CADM2: variants seen among roughly 807,000 people sequenced by gnomAD.
CADM2 encodes the protein cell adhesion molecule 2, also known as immunoglobulin superfamily member 4D.
CADM2 carries 12 observed loss-of-function variants against 49.8 expected under a neutral mutation model. The observed-to-expected ratio is 0.24, with a 90% CI of 0.15 to 0.39. The LOEUF (loss-of-function observed/expected upper bound fraction) is 0.39. CADM2 is among the 10% of genes least tolerant of loss of function. The probability of loss-of-function intolerance (pLI) is 1.00; values close to 1 mark genes in which losing one functional copy is unlikely to be tolerated. For synonymous variants in CADM2, 214 were observed against 175.4 expected (o/e 1.22, Z -1.74); for missense variants, 378 against 492.3 (o/e 0.77, Z 2.20).
chr3:85,304,628 C>T (rs569622410), intron 1 of CADM2, among the ~76,000 whole-genome samples: 12 of 151,876 alleles, frequency 7.9e-5, no homozygotes, highest in African/African-American at 2.4e-4. Flanking sequence ...GTTGTAATAA[C>T]TCACCTTTCT....
At chr3:85,177,692 C>T (rs952543267) in intron 1 of CADM2, among the ~76,000 whole-genome samples, 4 of 151,770 alleles carry the variant, frequency 2.6e-5, no homozygotes, top group Non-Finnish European at 5.9e-5. Flanking sequence ...TAATATGCTA[C>T]TTACAGTAAA....
intron 1 of CADM2, among the ~76,000 whole-genome samples, chr3:85,467,876 T>C (rs1000160571): frequency 6.6e-6 from 1 of 152,150 alleles, no homozygotes; most frequent in African/African-American, 2.4e-5. Context: ...CTGTTTCTGT[T>C]ATAACATTGA....
intron 1 of CADM2, among the ~76,000 whole-genome samples, chr3:85,460,176 A>G (rs2038176213): frequency 6.6e-6 from 1 of 152,098 alleles, no homozygotes; most frequent in Non-Finnish European, 1.5e-5. Context: ...TTCATACTAA[A>G]CTTTATGTTA....
chr3:85,085,481 A>G (rs1272860681), intron 1 of CADM2, among the ~76,000 whole-genome samples: 1 of 152,074 alleles, frequency 6.6e-6, no homozygotes, highest in African/African-American at 2.4e-5. Flanking sequence ...TTGTGTACAC[A>G]CCACATTTTC....
At chr3:85,331,541 T>C (rs1165589296) in intron 1 of CADM2, among the ~76,000 whole-genome samples, 1 of 151,618 alleles carries the variant, frequency 6.6e-6, no homozygotes, top group Non-Finnish European at 1.5e-5. Context: ...ACTTTTAGAT[T>C]GGCCTTTTTG....
chr3:85,821,557 T>A (rs903918069), intron 3 of CADM2, among the ~76,000 whole-genome samples: 1 of 152,156 alleles, frequency 6.6e-6, no homozygotes, highest in Non-Finnish European at 1.5e-5. Context: ...GGGGGCTGTT[T>A]GTTTTTGTTG....
chr3:85,590,442 A>G (rs570352617), intron 1 of CADM2, among the ~76,000 whole-genome samples: 1 of 152,130 alleles, frequency 6.6e-6, no homozygotes, highest in Admixed American at 6.6e-5. Context: ...AATCATTAGG[A>G]CAGGTAAATG....
intron 8 of CADM2, among the ~76,000 whole-genome samples, chr3:85,991,357 T>C (rs73843566): frequency 0.038 from 5,768 of 152,220 alleles, 230 homozygotes; most frequent in East Asian, 0.11. Context: ...TCAGGCCCAA[T>C]TGAAGACTAA....
At chr3:85,455,089 C>T (rs918063062) in intron 1 of CADM2, among the ~76,000 whole-genome samples, 1 of 152,078 alleles carries the variant, frequency 6.6e-6, no homozygotes, top group African/African-American at 2.4e-5. Context: ...TTGATAATAT[C>T]GTAAATTAGT....
At chr3:85,441,084 T>G (rs2037181085) in intron 1 of CADM2, among the ~76,000 whole-genome samples, 1 of 152,112 alleles carries the variant, frequency 6.6e-6, no homozygotes, top group African/African-American at 2.4e-5. Flanking sequence ...CATAAACACA[T>G]AACCATAATT....
At chr3:85,555,070 GAA>G in intron 1 of CADM2, among the ~76,000 whole-genome samples, 1 of 150,884 alleles carries the variant, frequency 6.6e-6, no homozygotes, top group Admixed American at 6.6e-5. Context: ...GGTGATCTAG[GAA>G]AAAAAAATCT....
At chr3:85,139,199 A>G (rs983467763) in intron 1 of CADM2, among the ~76,000 whole-genome samples, 15 of 152,184 alleles carry the variant, frequency 9.9e-5, no homozygotes, top group African/African-American at 3.6e-4. Flanking sequence ...AGAAGGAGCA[A>G]TGCATGAAGT....
At chr3:84,966,055 T>C (rs927369546) in intron 1 of CADM2, among the ~76,000 whole-genome samples, 2 of 152,160 alleles carry the variant, frequency 1.3e-5, no homozygotes, top group African/African-American at 2.4e-5. Context: ...AACAAAAAAC[T>C]GAACATGTTA....
At chr3:86,014,971 T>C in intron 8 of CADM2, 2 of 1,319,082 alleles carry the variant, frequency 1.5e-6, no homozygotes, top group Non-Finnish European at 2.2e-6. Flanking sequence ...AGGAACACTT[T>C]GACAGACCAA....
At chr3:85,568,561 C>CTTTCTTTCCCTA (rs2062383281) in intron 1 of CADM2, among the ~76,000 whole-genome samples, 1 of 59,396 alleles carries the variant, frequency 1.7e-5, no homozygotes, top group Admixed American at 2.1e-4. Context: ...CTCTTTCTTT[C>CTTTCTTTCCCTA]TTTTCCTTCC....
chr3:86,048,801 T>G (rs1038381558), intron 8 of CADM2, among the ~76,000 whole-genome samples: 2 of 152,152 alleles, frequency 1.3e-5, no homozygotes. Context: ...TGTATTCTGC[T>G]GGATGCCCTA....
chr3:85,157,659 C>G (rs537823644), intron 1 of CADM2, among the ~76,000 whole-genome samples: 2 of 152,002 alleles, frequency 1.3e-5, no homozygotes, highest in African/African-American at 4.8e-5. Context: ...GAAACTGGAT[C>G]CCTTCCTTAC....
chr3:85,841,854 G>T, intron 3 of CADM2, among the ~76,000 whole-genome samples: 1 of 151,784 alleles, frequency 6.6e-6, no homozygotes, highest in Non-Finnish European at 1.5e-5. Flanking sequence ...AATTTCAAAT[G>T]ACTGTAATTT....
At chr3:85,396,844 C>T (rs1348723555) in intron 1 of CADM2, among the ~76,000 whole-genome samples, 3 of 151,812 alleles carry the variant, frequency 2.0e-5, no homozygotes, top group Non-Finnish European at 2.9e-5. Flanking sequence ...ATTGGATTTG[C>T]GAATGATTGC....
Sources: gnomAD v4.1 joint callset for allele counts (sites outside exome capture counted in the v4.1 genomes callset) on GRCh38, gnomAD v4.1.1 for gene constraint, MANE v1.5 for transcripts, NCBI Gene and HGNC (gene_info 2026-07-23, HGNC 2026-07-21) for gene names.